SEZ6L: variants seen among roughly 807,000 people sequenced by gnomAD.
SEZ6L encodes seizure 6-like protein.
In SEZ6L, 37 loss-of-function variants were observed where a neutral mutation model predicts 106.2. That is an observed-to-expected ratio of 0.35 (90% CI 0.27 to 0.46). SEZ6L has a LOEUF of 0.46. Ranked by LOEUF, SEZ6L falls within the 20% of genes least tolerant of loss-of-function variation. SEZ6L has a pLI of 1.00. For synonymous variants in SEZ6L, 541 were observed against 570.4 expected, an observed-to-expected ratio of 0.95 and a Z score of 0.73; for missense variants, 1,172 against 1,332.8, an observed-to-expected ratio of 0.88 and a Z score of 1.88.
chr22:26,348,051 C>A, intron 11 of SEZ6L, 138 bp downstream of exon 11: 1 of 655,510 alleles, frequency 1.5e-6, no homozygotes, highest in Non-Finnish European at 2.5e-6. Flanking sequence ...GAGCATTGCT[C>A]ACAAATGTCA....
chr22:26,344,582 G>A (rs2082948095), intron 10 of SEZ6L, among the ~76,000 whole-genome samples: 1 of 152,222 alleles, frequency 6.6e-6, no homozygotes, highest in East Asian at 1.9e-4. Context: ...GTAGATGGTG[G>A]TGTGCATTCA....
chr22:26,207,222 CACAGTA>C (rs1941316381), intron 1 of SEZ6L, among the ~76,000 whole-genome samples: 1 of 152,108 alleles, frequency 6.6e-6, no homozygotes, highest in South Asian at 2.1e-4. Context: ...GAGAAGGCAC[CACAGTA>C]TTCCATTCAT....
chr22:26,278,999 A>AGGAAGGAAGGGAAGGAAGGAAAGAC (rs2080663023), intron 1 of SEZ6L, among the ~76,000 whole-genome samples: 6 of 135,528 alleles, frequency 4.4e-5, no homozygotes, highest in South Asian at 4.4e-4. Context: ...GAAGGAAGGA[A>AGGAAGGAAGGGAAGGAAGGAAAGAC]GGAAGGAAGG....
chr22:26,226,554 G>T (rs2078639232), intron 1 of SEZ6L, among the ~76,000 whole-genome samples: 1 of 152,250 alleles, frequency 6.6e-6, no homozygotes, highest in African/African-American at 2.4e-5. Flanking sequence ...ATACACCTTT[G>T]TGGGTTTTTT....
chr22:26,338,737 T>C (rs2055865126), intron 9 of SEZ6L, among the ~76,000 whole-genome samples: 1 of 152,190 alleles, frequency 6.6e-6, no homozygotes, highest in East Asian at 1.9e-4. Flanking sequence ...TTTCTTTTTT[T>C]AGTAGAGACG....
intron 1 of SEZ6L, among the ~76,000 whole-genome samples, chr22:26,254,589 G>A (rs2079741931): frequency 6.6e-6 from 1 of 152,118 alleles, no homozygotes; most frequent in African/African-American, 2.4e-5. Context: ...CTGCACTCCA[G>A]CCTGGGTGAT....
chr22:26,320,370 G>A (rs2082121258), intron 9 of SEZ6L, among the ~76,000 whole-genome samples: 1 of 152,170 alleles, frequency 6.6e-6, no homozygotes. Flanking sequence ...CAATAAGGGG[G>A]GGCATCGCCC....
intron 1 of SEZ6L, among the ~76,000 whole-genome samples, chr22:26,275,869 A>G (rs978527853): frequency 6.6e-6 from 1 of 152,142 alleles, no homozygotes; most frequent in African/African-American, 2.4e-5. Context: ...GCTGGAGCAG[A>G]TCCCCTGCTG....
intron 1 of SEZ6L, among the ~76,000 whole-genome samples, chr22:26,277,282 C>T (rs2080580594): frequency 6.6e-6 from 1 of 152,006 alleles, no homozygotes; most frequent in African/African-American, 2.4e-5. Flanking sequence ...TCTTTTCTTG[C>T]CTGCACAAGC....
intron 12 of SEZ6L, 46 bp from the exon 13 acceptor site, chr22:26,365,326 A>G (rs754124241): frequency 3.9e-6 from 6 of 1,554,158 alleles, no homozygotes; most frequent in East Asian, 2.3e-5. Flanking sequence ...GGACTCCCCA[A>G]AGATTTGCAT....
intron 1 of SEZ6L, among the ~76,000 whole-genome samples, chr22:26,193,882 G>C (rs768636728): frequency 5.3e-5 from 8 of 152,178 alleles, no homozygotes; most frequent in Non-Finnish European, 1.0e-4. Flanking sequence ...TAGTTAATGA[G>C]GGAAAGAAGT....
At chr22:26,344,503 G>A (rs1321489045) in intron 10 of SEZ6L, among the ~76,000 whole-genome samples, 2 of 152,182 alleles carry the variant, frequency 1.3e-5, no homozygotes, top group Admixed American at 6.5e-5. Flanking sequence ...AGGACTGGGA[G>A]GTTTCCTCTT....
intron 1 of SEZ6L, among the ~76,000 whole-genome samples, chr22:26,257,335 G>A (rs572921094): frequency 6.6e-6 from 1 of 152,026 alleles, no homozygotes; most frequent in East Asian, 1.9e-4. Context: ...ATGGATCTGG[G>A]GAAAAAATCC....
chr22:26,192,803 T>G (rs1404931730), intron 1 of SEZ6L, among the ~76,000 whole-genome samples: 1 of 152,162 alleles, frequency 6.6e-6, no homozygotes, highest in Non-Finnish European at 1.5e-5. Context: ...GACAGACAGA[T>G]TATGCAAAAG....
chr22:26,260,914 T>C (rs769090175), intron 1 of SEZ6L, among the ~76,000 whole-genome samples: 4 of 152,166 alleles, frequency 2.6e-5, no homozygotes, highest in Non-Finnish European at 5.9e-5. Context: ...ATTTTTTTTG[T>C]TATGGCCATT....
intron 5 of SEZ6L, among the ~76,000 whole-genome samples, chr22:26,304,124 C>G (rs1177120973): frequency 1.3e-5 from 2 of 151,950 alleles, no homozygotes; most frequent in African/African-American, 2.4e-5. Context: ...GAGGCCAAGG[C>G]AGGTGGATCA....
chr22:26,249,719 G>C (rs548078128), intron 1 of SEZ6L, among the ~76,000 whole-genome samples: 1 of 152,306 alleles, frequency 6.6e-6, no homozygotes, highest in South Asian at 2.1e-4. Flanking sequence ...GGATCGTAAG[G>C]TAGTTCTACT....
intron 1 of SEZ6L, among the ~76,000 whole-genome samples, chr22:26,176,269 T>G (rs1938997285): frequency 6.6e-6 from 1 of 152,238 alleles, no homozygotes; most frequent in Non-Finnish European, 1.5e-5. Flanking sequence ...AAGCCCACGC[T>G]TGTTCTAAAT....
At chr22:26,248,312 T>C (rs2079436121) in intron 1 of SEZ6L, among the ~76,000 whole-genome samples, 1 of 152,224 alleles carries the variant, frequency 6.6e-6, no homozygotes, top group Non-Finnish European at 1.5e-5. Context: ...GGATACATAA[T>C]GACTTGTACA....
Sources: gnomAD v4.1 joint callset for allele counts (sites outside exome capture counted in the v4.1 genomes callset) on GRCh38, gnomAD v4.1.1 for gene constraint, MANE v1.5 for transcripts, NCBI Gene and HGNC (gene_info 2026-07-23, HGNC 2026-07-21) for gene names.